The following SYCP2L variants were observed in gnomAD, a reference collection of about 807,000 sequenced individuals.
The protein encoded by SYCP2L is synaptonemal complex protein 2-like.
Under a neutral mutation model 125.8 loss-of-function variants are expected in SYCP2L, and 98 were observed. That is an observed-to-expected ratio of 0.78 (90% confidence interval 0.66 to 0.92). SYCP2L has a LOEUF of 0.92. Among genes scored for constraint, SYCP2L ranks in the 40% least tolerant of loss-of-function variants. The probability of loss-of-function intolerance (pLI) is 0.00; values close to 1 mark genes in which losing one functional copy is unlikely to be tolerated. For synonymous variants in SYCP2L, 317 were observed against 325.4 expected, an observed-to-expected ratio of 0.97 and a Z score of 0.28; for missense variants, 842 against 936.4, an observed-to-expected ratio of 0.90 and a Z score of 1.32.
At position 10,894,094 on chromosome 6, in the gene SYCP2L, A is replaced by G. The variant is rs748146475; in HGVS notation, c.226A>G (p.Lys76Glu). ...TGTGGTTTATACCTAGGAACTAGAT[A>G]AAAATGAATTTCAGTCTGTGTCACT... ...LDRSINKELD[K>E]NEFQSVSLLL... Residue 76 changes from lysine to glutamate, a missense_variant, in exon 4 of 30, where the codon AAA becomes GAA. Transcript: ENST00000283141. The G allele has an allele frequency of 1.9e-6, 3 of 1,611,570 alleles. No homozygotes were observed. Among genetic ancestry groups the G allele is most frequent in the Non-Finnish European group, 2.5e-6 (3 of 1,179,464 alleles).
intron 26 of SYCP2L, among the ~76,000 whole-genome samples, chr6:10,960,849 G>A (rs578184491): frequency 2.6e-5 from 4 of 152,204 alleles, no homozygotes; most frequent in Non-Finnish European, 4.4e-5. Flanking sequence ...GCTGAGGCAG[G>A]CGGATCACCT....
intron 14 of SYCP2L, among the ~76,000 whole-genome samples, chr6:10,921,021 G>A (rs1780791125): frequency 6.6e-6 from 1 of 152,124 alleles, no homozygotes; most frequent in South Asian, 2.1e-4. Context: ...TCCATTAGTT[G>A]TTCTTCCTGA....
intron 21 of SYCP2L, among the ~76,000 whole-genome samples, chr6:10,936,217 T>C (rs1386689579): frequency 1.3e-5 from 2 of 150,040 alleles, no homozygotes; most frequent in African/African-American, 5.0e-5. Flanking sequence ...ATAAAAGGGG[T>C]CAGGCGCAGT....
At chr6:10,921,502 G>T (rs1167820177) in intron 14 of SYCP2L, among the ~76,000 whole-genome samples, 1 of 152,100 alleles carries the variant, frequency 6.6e-6, no homozygotes, top group Admixed American at 6.6e-5. Context: ...CACCAACAGT[G>T]TAAAGTCTTC....
At chr6:10,918,409 T>C (rs1262192093) in intron 14 of SYCP2L, among the ~76,000 whole-genome samples, 1 of 152,178 alleles carries the variant, frequency 6.6e-6, no homozygotes, top group African/African-American at 2.4e-5. Flanking sequence ...GTGCCAATTA[T>C]TCTCACATTT....
At position 10,889,769 on chromosome 6, in the gene SYCP2L, C is replaced by T. The variant is rs769934870; in HGVS notation, c.10-1744C>T. 7.0e-4 allele frequency among the ~76,000 whole-genome samples: 106 copies of T among 152,084 alleles called. 1 individual carries two copies. Among genetic ancestry groups the T allele is most frequent in the Non-Finnish European group, 1.2e-3 (83 of 67,960 alleles). On this transcript the variant is annotated intron_variant, in intron 1 of 29. Transcript: ENST00000283141. Reference sequence around the variant, plus strand: ...CCCCGTAGCTGGGATTACAGGCATGCGCCACCCTGCCCGGATAATTTTCTA... The same window carrying T: ...CCCCGTAGCTGGGATTACAGGCATGTGCCACCCTGCCCGGATAATTTTCTA...
At chr6:10,933,009 C>T (rs564061838) in intron 20 of SYCP2L, among the ~76,000 whole-genome samples, 165 of 152,320 alleles carry the variant, frequency 1.1e-3, no homozygotes, top group African/African-American at 3.8e-3. Context: ...CTGCCTTGGC[C>T]TCCCAAAGTG....
chr6:10,907,798 A>G (rs934988791), intron 10 of SYCP2L, 114 bp downstream of exon 10: 15 of 982,702 alleles, frequency 1.5e-5, no homozygotes, highest in Non-Finnish European at 2.2e-5. Flanking sequence ...GTGTGATTAC[A>G]CTGCCATTCT....
At chr6:10,964,126 T>G (rs1343804759) in intron 29 of SYCP2L, among the ~76,000 whole-genome samples, 1 of 151,844 alleles carries the variant, frequency 6.6e-6, no homozygotes. Flanking sequence ...CCCGGCTAAT[T>G]TTTTGTATTT....
chr6:10,906,238 C>T (rs1780486172), intron 9 of SYCP2L, among the ~76,000 whole-genome samples, 184 bp downstream of exon 9: 1 of 151,950 alleles, frequency 6.6e-6, no homozygotes, highest in Non-Finnish European at 1.5e-5. Context: ...TTCGTGAGTA[C>T]TCATTTACTC....
chr6:10,909,184 A>C (rs1780560405), intron 10 of SYCP2L, among the ~76,000 whole-genome samples: 2 of 128,576 alleles, frequency 1.6e-5, no homozygotes, highest in Admixed American at 9.4e-5. Context: ...ACTGGAGTGC[A>C]GTGGCATGAT....
At chr6:10,934,406 C>T (rs911005151) in intron 20 of SYCP2L, among the ~76,000 whole-genome samples, 9 of 152,130 alleles carry the variant, frequency 5.9e-5, no homozygotes, top group Non-Finnish European at 8.8e-5. Context: ...TGGCTGGGTG[C>T]GGTGGCACAT....
chr6:10,918,472 T>C (rs537849430), intron 14 of SYCP2L, among the ~76,000 whole-genome samples: 2 of 152,334 alleles, frequency 1.3e-5, no homozygotes, highest in Non-Finnish European at 2.9e-5. Flanking sequence ...TATTTTCTTA[T>C]TCTTTTTTCT....
Position 10,893,906 on chromosome 6 carries a change from T to G in SYCP2L, c.118T>G (p.Phe40Val). ...TACGGATGCATTCCATGATAAAGGA[T>G]TTCAGAAAATAAAAGAATACTTTCA... is the stretch of plus-strand genomic sequence containing the variant. ...LITDAFHDKG[F>V]QKIKEYFQQK... Residue 40 changes from phenylalanine (F) to valine (V), a missense_variant, in exon 3 of 30, where the codon TTT becomes GTT. Physicochemically the swap from Phe to Val is conservative, Grantham distance 50. Coordinates refer to ENST00000283141, the MANE Select transcript of SYCP2L (RefSeq NM_001040274.3). 1.9e-6 allele frequency: 3 copies of G among 1,610,842 alleles called. No individual in the cohort carries two copies. The highest frequency in any genetic ancestry group is 2.5e-6 in the Non-Finnish European group (3 of 1,179,310).
chr6:10,948,714 C>T (rs1416166128), intron 23 of SYCP2L, among the ~76,000 whole-genome samples: 1 of 152,148 alleles, frequency 6.6e-6, no homozygotes, highest in Non-Finnish European at 1.5e-5. Context: ...ATCAGTGTCA[C>T]ACTAGCCTGT....
chr6:10,922,412 C>A (rs1780814022), intron 14 of SYCP2L, among the ~76,000 whole-genome samples: 1 of 150,714 alleles, frequency 6.6e-6, no homozygotes, highest in South Asian at 2.1e-4. Flanking sequence ...CATGGTATTT[C>A]TTCTGACCCT....
rs567901480 is a variant in SYCP2L at position 10,954,980 on chromosome 6, A to G, written c.1955-136A>G. The G allele has an allele frequency of 8.8e-5, 57 of 650,560 alleles. 1 individual carries two copies. Among genetic ancestry groups the G allele is most frequent in the South Asian group, 6.5e-4 (36 of 55,050 alleles). 40.3% of individuals were successfully genotyped at this position (650,560 alleles called of 1,614,324 possible). On this transcript the variant is annotated intron_variant, in intron 23 of 29. Coordinates refer to ENST00000283141, the MANE Select transcript of SYCP2L (RefSeq NM_001040274.3). The surrounding 1 kb of genome is among the most constrained non-coding windows in gnomAD (Gnocchi z 4.8). ...TCGATACTTGGTTTGTGCCTAGTCG[A>G]TGCACCGAATGATAACTCATTAGCA...
chr6:10,966,568 T>C (rs148394350), intron 29 of SYCP2L, among the ~76,000 whole-genome samples: 2 of 152,276 alleles, frequency 1.3e-5, no homozygotes, highest in Non-Finnish European at 2.9e-5. Flanking sequence ...CCCAGCAGGG[T>C]TATTTTTTGA....
At chr6:10,968,675 A>G (rs1264158126) in intron 29 of SYCP2L, among the ~76,000 whole-genome samples, 1 of 152,078 alleles carries the variant, frequency 6.6e-6, no homozygotes, top group Non-Finnish European at 1.5e-5. Flanking sequence ...GGAGAGAAAG[A>G]CCTCAGGGAG....
Sources: allele counts gnomAD v4.1 joint callset (sites outside exome capture counted in the v4.1 genomes callset), GRCh38; gene constraint gnomAD v4.1.1; non-coding constraint Gnocchi (gnomAD v3.1); transcripts MANE v1.5; gene names NCBI Gene and HGNC (gene_info 2026-07-23, HGNC 2026-07-21).